The following PRDM11 variants were observed in gnomAD, a reference collection of about 807,000 sequenced individuals.
The protein encoded by PRDM11 is PR/SET domain 11.
A neutral mutation model predicts 97.8 loss-of-function variants in PRDM11; 20 were observed. The observed-to-expected ratio is 0.20, with a 90% CI of 0.14 to 0.30. The LOEUF is 0.30. PRDM11 is among the 10% of genes least tolerant of loss of function. The pLI is 1.00. For missense variants in PRDM11, 1,139 were observed against 1,555.2 expected, an observed-to-expected ratio of 0.73 and a Z score of 4.50; for synonymous variants, 599 against 637.7, an observed-to-expected ratio of 0.94 and a Z score of 0.91.
At chr11:45,174,559 G>A (rs572285278) in intron 1 of PRDM11, among the ~76,000 whole-genome samples, 4 of 152,218 alleles carry the variant, frequency 2.6e-5, no homozygotes, top group South Asian at 4.1e-4. Flanking sequence ...TGATTCATTC[G>A]TTCATCAAAT....
At chr11:45,139,789 A>T (rs1187684603) in intron 1 of PRDM11, among the ~76,000 whole-genome samples, 1 of 152,132 alleles carries the variant, frequency 6.6e-6, no homozygotes, top group African/African-American at 2.4e-5. Context: ...TCCTTGGGAT[A>T]CTCTGAGCTT....
At position 45,204,710 on chromosome 11, in the gene PRDM11, G is replaced by C; in HGVS notation, c.487-1G>C. 6.2e-7 allele frequency: 1 copy of C among 1,610,940 alleles called. No homozygotes were observed. The highest frequency in any genetic ancestry group is 1.1e-5 in the South Asian group (1 of 91,032). On this transcript the variant is annotated splice_acceptor_variant, in intron 4 of 7. Transcript: ENST00000683152. LOFTEE classifies it high-confidence loss of function. The stretch of plus-strand genomic sequence containing the variant: ...TCCTAGACTCTTTCTCTTTCTTCCA[G>C]ATTGTGGACAAGAACAACCGCTATA...
At chr11:45,146,155 A>G (rs1230023416), upstream of PRDM11, among the ~76,000 whole-genome samples, 1 of 152,158 alleles carries the variant, frequency 6.6e-6, no homozygotes, top group Non-Finnish European at 1.5e-5. Flanking sequence ...GCGTCTCGCA[A>G]CTTCAGTTTG....
At chr11:45,134,700 C>CTAAAAAA (rs1852795712) in intron 1 of PRDM11, among the ~76,000 whole-genome samples, 1 of 12,196 alleles carries the variant, frequency 8.2e-5, no homozygotes, top group Non-Finnish European at 1.2e-4. Context: ...CCCTGTCTCA[C>CTAAAAAA]GAAAAAAAAA....
In PRDM11 at chr11:45,219,873, T is replaced by A. The variant is rs1194326468; in HGVS notation, c.742+116T>A. 4 of 1,255,700 alleles carry A rather than the reference T, an allele frequency of 3.2e-6. No individual in the cohort carries two copies. Among genetic ancestry groups the A allele is most frequent in the Non-Finnish European group, 4.3e-6 (4 of 929,018 alleles). The allele number at this position is 1,255,700 out of a possible 1,614,324, so 77.8% of individuals were successfully genotyped here. ...TTCCCAGCAATGGGAAGACCCAGAG[T>A]GATTCGGGGGAACAGATGGTTGAGG... On this transcript the variant is annotated intron_variant, in intron 6 of 7. Coordinates refer to ENST00000683152, the MANE Select transcript of PRDM11 (RefSeq NM_001384648.1). The surrounding 1 kb of genome is among the most constrained non-coding windows in gnomAD (Gnocchi z 4.2).
At chr11:45,209,965 G>A (rs968086360) in intron 5 of PRDM11, among the ~76,000 whole-genome samples, 7 of 152,132 alleles carry the variant, frequency 4.6e-5, no homozygotes, top group East Asian at 3.9e-4. Flanking sequence ...GGGGAGGCGC[G>A]CAGGCAGAGA....
At chr11:45,173,431 G>C (rs1334587641) in intron 1 of PRDM11, among the ~76,000 whole-genome samples, 2 of 152,016 alleles carry the variant, frequency 1.3e-5, no homozygotes, top group Non-Finnish European at 2.9e-5. Context: ...AGACCAACCT[G>C]GTCAACATGA....
At chr11:45,176,781 A>G (rs569591155) in intron 1 of PRDM11, among the ~76,000 whole-genome samples, 3 of 152,352 alleles carry the variant, frequency 2.0e-5, no homozygotes, top group Admixed American at 6.5e-5. Context: ...GCTTGCTGAG[A>G]ATATAAATTC....
rs149424434 is a variant in PRDM11 at position 45,151,759 on chromosome 11, A to G, written c.-7+4882A>G. On this transcript the variant is annotated intron_variant, in intron 1 of 7. Transcript: ENST00000683152. ...TTAGGTTGGCCTTTGGAGAGTGAGTAGGATTTGGATAGCACAGGAGGGGAG... is the reference window on the plus strand; with the variant it reads ...TTAGGTTGGCCTTTGGAGAGTGAGTGGGATTTGGATAGCACAGGAGGGGAG... Among the ~76,000 whole-genome samples the G allele has an allele frequency of 6.3e-3, 956 of 152,298 alleles. 8 individuals are homozygous for G. Among genetic ancestry groups the G allele is most frequent in the Non-Finnish European group, 9.9e-3 (671 of 68,012 alleles).
intron 1 of PRDM11, among the ~76,000 whole-genome samples, chr11:45,140,180 C>A (rs1421663782): frequency 6.6e-6 from 1 of 152,144 alleles, no homozygotes; most frequent in Non-Finnish European, 1.5e-5. Flanking sequence ...TTTATGAAAA[C>A]AATGCTACAT....
At chr11:45,222,999 T>C (rs1230936800) in intron 6 of PRDM11, among the ~76,000 whole-genome samples, 1 of 152,256 alleles carries the variant, frequency 6.6e-6, no homozygotes, top group Non-Finnish European at 1.5e-5. Context: ...TGGCAGTTTA[T>C]GAAACTATGT....
At chr11:45,094,453 T>G, upstream of PRDM11, among the ~76,000 whole-genome samples, 1 of 148,988 alleles carries the variant, frequency 6.7e-6, no homozygotes, top group Non-Finnish European at 1.5e-5. Context: ...TGGGGGAGGC[T>G]GAGAGAGCAG....
chr11:45,203,608 T>C lies in PRDM11; in HGVS notation c.487-1103T>C, dbSNP rs991001081. Among the ~76,000 whole-genome samples, 4 of 147,900 alleles carry C rather than the reference T, an allele frequency of 2.7e-5. No individual in the cohort carries two copies. The East Asian group carries it at 7.9e-4, about 29-fold the overall frequency. ...TAGTTAAAAGACATGAAGGATATAT[T>C]GAGCTACTCCCATAATTTTTTTTTT... is the stretch of plus-strand genomic sequence containing the variant. On this transcript the variant is annotated intron_variant, in intron 4 of 7. Coordinates refer to ENST00000683152, the MANE Select transcript of PRDM11 (RefSeq NM_001384648.1).
chr11:45,122,127 A>T (rs1261707256), intron 1 of PRDM11, among the ~76,000 whole-genome samples: 1 of 151,836 alleles, frequency 6.6e-6, no homozygotes, highest in Non-Finnish European at 1.5e-5. Flanking sequence ...CAAAGATAAA[A>T]GTTAGGCCTT....
intron 1 of PRDM11, among the ~76,000 whole-genome samples, chr11:45,163,342 G>A (rs1808414491): frequency 6.6e-6 from 1 of 152,206 alleles, no homozygotes; most frequent in Admixed American, 6.5e-5. Flanking sequence ...TCAATAACGA[G>A]CCCATCTTTA....
chr11:45,098,367 G>C (rs564760558), intron 1 of PRDM11, among the ~76,000 whole-genome samples: 1 of 152,346 alleles, frequency 6.6e-6, no homozygotes, highest in Non-Finnish European at 1.5e-5. Context: ...CTCTGCACCA[G>C]ACACCAGGGA....
intron 4 of PRDM11, among the ~76,000 whole-genome samples, chr11:45,187,509 A>AG (rs1422674876): frequency 6.6e-6 from 1 of 152,210 alleles, no homozygotes; most frequent in Non-Finnish European, 1.5e-5. Context: ...GAGGAATAGA[A>AG]GGCCCTGGTG....
At chr11:45,113,881 A>G (rs1852246416) in intron 1 of PRDM11, among the ~76,000 whole-genome samples, 1 of 143,646 alleles carries the variant, frequency 7.0e-6, no homozygotes, top group Admixed American at 7.2e-5. Flanking sequence ...CTGAGGCTCT[A>G]CTGGATTTGT....
chr11:45,224,929 C>T, intron 7 of PRDM11, 86 bp downstream of exon 7: 2 of 1,596,904 alleles, frequency 1.3e-6, no homozygotes, highest in South Asian at 2.2e-5. Context: ...TCTGTGGAAA[C>T]CACCTTCCGG....
Sources: allele counts gnomAD v4.1 joint callset (sites outside exome capture counted in the v4.1 genomes callset), GRCh38; gene constraint gnomAD v4.1.1; non-coding constraint Gnocchi (gnomAD v3.1); transcripts MANE v1.5; gene names NCBI Gene and HGNC (gene_info 2026-07-23, HGNC 2026-07-21).